IFT43: variants seen among roughly 807,000 people sequenced by gnomAD.
IFT43 encodes the protein intraflagellar transport protein 43 homolog.
A neutral mutation model predicts 32.3 loss-of-function variants in IFT43; 33 were observed. The ratio of observed to expected loss-of-function variants is 1.02; its 90% CI spans 0.77 to 1.37. The LOEUF (loss-of-function observed/expected upper bound fraction) is 1.37. Among genes scored for constraint, IFT43 ranks in the 40% most tolerant of loss-of-function variants. The probability of loss-of-function intolerance (pLI) is 0.00; values close to 1 mark genes in which losing one functional copy is unlikely to be tolerated. For missense variants in IFT43, 274 were observed against 265.9 expected (o/e 1.03, Z -0.21); for synonymous variants, 93 against 98.2 (o/e 0.95, Z 0.31).
At chr14:76,082,870 A>T (rs753792601) in intron 7 of IFT43, among the ~76,000 whole-genome samples, 178 bp downstream of exon 7, 1 of 152,126 alleles carries the variant, frequency 6.6e-6, no homozygotes, top group African/African-American at 2.4e-5. Flanking sequence ...GCAACCCTGG[A>T]CCCAACATAG....
At chr14:75,991,450 T>C (rs1315395341) in intron 2 of IFT43, among the ~76,000 whole-genome samples, 1 of 151,032 alleles carries the variant, frequency 6.6e-6, no homozygotes, top group African/African-American at 2.4e-5. Context: ...TATTTTAAAG[T>C]CTACTTAATT....
intron 3 of IFT43, chr14:76,058,279 A>C (rs1291665606): frequency 3.4e-6 from 1 of 291,858 alleles, no homozygotes; most frequent in Middle Eastern, 1.2e-3. Context: ...TAACAACACC[A>C]AATAAGACCC....
chr14:75,999,281 A>ATATATTTTT (rs1566699821), intron 2 of IFT43, among the ~76,000 whole-genome samples: 1 of 39,062 alleles, frequency 2.6e-5, no homozygotes, highest in African/African-American at 1.2e-4. Context: ...ATGTATATAT[A>ATATATTTTT]TTTTTTTTTT....
intron 2 of IFT43, among the ~76,000 whole-genome samples, chr14:76,011,897 C>T (rs577441678): frequency 3.6e-4 from 55 of 152,224 alleles, no homozygotes; most frequent in Non-Finnish European, 5.9e-4. Context: ...AGCCCTGAAG[C>T]GTATGCACAT....
At chr14:76,073,174 G>C (rs757738794) in intron 5 of IFT43, among the ~76,000 whole-genome samples, 3 of 152,028 alleles carry the variant, frequency 2.0e-5, no homozygotes, top group Non-Finnish European at 4.4e-5. Flanking sequence ...AGTTGCTCCA[G>C]TCTTTGTAAC....
intron 3 of IFT43, chr14:76,058,343 G>A (rs2037064676): frequency 1.1e-5 from 4 of 367,926 alleles, no homozygotes; most frequent in Non-Finnish European, 2.1e-5. Context: ...ATTGCTGAAA[G>A]AAAAGAGGGC....
At chr14:76,053,882 A>G (rs1472444366) in intron 3 of IFT43, among the ~76,000 whole-genome samples, 2 of 152,154 alleles carry the variant, frequency 1.3e-5, no homozygotes, top group African/African-American at 4.8e-5. Context: ...GTTTTCATGA[A>G]CACCACGTAC....
Position 75,986,753 on chromosome 14 carries a change from G to T in IFT43, c.54+913G>T, listed in dbSNP as rs569530227. Among the ~76,000 whole-genome samples the T allele has an allele frequency of 1.2e-3, 185 of 152,264 alleles. 6 individuals are homozygous for T. In the South Asian group the frequency reaches 0.036, roughly 30 times the overall value. On this transcript the variant is annotated intron_variant, in intron 1 of 8. Transcript: ENST00000314067. ...TTTATCTTTAAAACTGGTTAGGATC[G>T]CACTTACTAAAAGATTGGGCCCCAG...
chr14:76,048,883 G>A (rs868760448), intron 3 of IFT43, among the ~76,000 whole-genome samples: 3 of 152,192 alleles, frequency 2.0e-5, no homozygotes, highest in Non-Finnish European at 4.4e-5. Flanking sequence ...CCAGTGGCTC[G>A]CATGCCAGCA....
At chr14:76,029,673 T>C (rs2036469441) in intron 3 of IFT43, among the ~76,000 whole-genome samples, 1 of 152,062 alleles carries the variant, frequency 6.6e-6, no homozygotes, top group African/African-American at 2.4e-5. Context: ...TTCATTCTTT[T>C]ACATATGGTT....
chr14:76,014,862 G>A (rs1396829269), intron 2 of IFT43, among the ~76,000 whole-genome samples: 1 of 152,134 alleles, frequency 6.6e-6, no homozygotes, highest in African/African-American at 2.4e-5. Flanking sequence ...GACCCTGGAT[G>A]CAGCCTCTTC....
At chr14:76,002,366 AGGGG>A (rs11349013) in intron 2 of IFT43, among the ~76,000 whole-genome samples, 1 of 150,472 alleles carries the variant, frequency 6.6e-6, no homozygotes, top group Non-Finnish European at 1.5e-5. Context: ...TAAAAAGGTA[AGGGG>A]GGGGGTGGCA....
At chr14:76,034,540 G>T (rs1183293568) in intron 3 of IFT43, among the ~76,000 whole-genome samples, 1 of 152,192 alleles carries the variant, frequency 6.6e-6, no homozygotes. Context: ...CAATAAGCTA[G>T]GTATCCCTGT....
chr14:76,083,324 C>T, intron 8 of IFT43, 35 bp downstream of exon 8: 1 of 1,609,348 alleles, frequency 6.2e-7, no homozygotes, highest in Non-Finnish European at 8.5e-7. Context: ...GGTCTCTCAG[C>T]TCTGGCATTC....
chr14:76,071,916 C>G (rs991702437), intron 5 of IFT43, among the ~76,000 whole-genome samples: 15 of 151,928 alleles, frequency 9.9e-5, no homozygotes, highest in Non-Finnish European at 4.4e-5. Context: ...TCCTAACCCC[C>G]CCTGCTCACA....
chr14:76,022,627 C>G, intron 3 of IFT43: 1 of 365,250 alleles, frequency 2.7e-6, no homozygotes, highest in South Asian at 4.9e-5. Context: ...CAAAAGAAAC[C>G]CTGTATCTAT....
chr14:76,042,467 A>C (rs567886963), intron 3 of IFT43, among the ~76,000 whole-genome samples: 89 of 152,184 alleles, frequency 5.8e-4, no homozygotes, highest in Middle Eastern at 3.4e-3. Context: ...GGCTCTTTTG[A>C]CAAGAAACCA....
Position 76,076,588 on chromosome 14 carries a change from C to T in IFT43, c.296-5707C>T, listed in dbSNP as rs531709092. 5 of 1,614,088 alleles carry T rather than the reference C, an allele frequency of 3.1e-6. No homozygotes were observed. The highest frequency in any genetic ancestry group is 4.2e-6 in the Non-Finnish European group (5 of 1,179,990). On this transcript the variant is annotated intron_variant, in intron 5 of 8. Transcript: ENST00000314067. ...TGAGTCCAATCTAAGAAGTCACTTT[C>T]TGTTCTAGCGGTACCCAAACAGGCA...
intron 3 of IFT43, among the ~76,000 whole-genome samples, chr14:76,054,816 G>A (rs1181992406): frequency 6.6e-6 from 1 of 152,188 alleles, no homozygotes; most frequent in Non-Finnish European, 1.5e-5. Context: ...GGTCACACAA[G>A]CCTCATCGAC....
Sources: allele counts gnomAD v4.1 joint callset (sites outside exome capture counted in the v4.1 genomes callset), GRCh38; gene constraint gnomAD v4.1.1; transcripts MANE v1.5; gene names NCBI Gene and HGNC (gene_info 2026-07-23, HGNC 2026-07-21).